Variants in TEKT5 observed in about 807,000 individuals in gnomAD.
TEKT5 encodes the protein tektin-5.
A neutral mutation model predicts 48.7 loss-of-function variants in TEKT5; 52 were observed. The ratio of observed to expected loss-of-function variants is 1.07; its 90% CI spans 0.86 to 1.35. The LOEUF is 1.35. Among genes scored for constraint, TEKT5 ranks in the 40% most tolerant of loss-of-function variants. The probability of loss-of-function intolerance (pLI) is 0.00; values close to 1 mark genes in which losing one functional copy is unlikely to be tolerated. For missense variants in TEKT5, 831 were observed against 641.6 expected, an observed-to-expected ratio of 1.30 and a Z score of -3.19; for synonymous variants, 318 against 267.6, an observed-to-expected ratio of 1.19 and a Z score of -1.84.
chr16:10,690,179 C>T, intron 1 of TEKT5, 154 bp from the exon 2 acceptor site: 1 of 681,716 alleles, frequency 1.5e-6, no homozygotes, highest in African/African-American at 1.8e-5. Context: ...GGATGGGCTT[C>T]TGCCTCCCCT....
At chr16:10,644,085 G>A (rs747606778) in intron 5 of TEKT5, among the ~76,000 whole-genome samples, 2 of 152,074 alleles carry the variant, frequency 1.3e-5, no homozygotes, top group Admixed American at 1.3e-4. Context: ...CACATTTTTC[G>A]CTTTTTCAAG....
chr16:10,647,148 C>G (rs1005925729), intron 5 of TEKT5, among the ~76,000 whole-genome samples: 2 of 151,970 alleles, frequency 1.3e-5, no homozygotes, highest in Non-Finnish European at 2.9e-5. Context: ...GTGGACGGGA[C>G]ATTACTGAGG....
chr16:10,656,891 C>T (rs551500393), intron 5 of TEKT5, among the ~76,000 whole-genome samples: 1 of 151,740 alleles, frequency 6.6e-6, no homozygotes, highest in Non-Finnish European at 1.5e-5. Flanking sequence ...CAGATGCACA[C>T]CACCATGCCT....
chr16:10,637,809 T>C (rs995459406), intron 5 of TEKT5, among the ~76,000 whole-genome samples: 1 of 152,156 alleles, frequency 6.6e-6, no homozygotes, highest in African/African-American at 2.4e-5. Flanking sequence ...ATGAAAGTCT[T>C]TCATTTATTT....
At chr16:10,650,026 CT>C (rs1898128667) in intron 5 of TEKT5, among the ~76,000 whole-genome samples, 1 of 152,038 alleles carries the variant, frequency 6.6e-6, no homozygotes, top group Non-Finnish European at 1.5e-5. Context: ...CTTCCTCCCC[CT>C]GGTCTCCTCC....
chr16:10,657,356 G>A (rs566751322), intron 5 of TEKT5, among the ~76,000 whole-genome samples: 1 of 152,014 alleles, frequency 6.6e-6, no homozygotes, highest in East Asian at 1.9e-4. Flanking sequence ...TCGAACTCCC[G>A]ACCTCAGGTG....
intron 5 of TEKT5, among the ~76,000 whole-genome samples, chr16:10,643,903 G>A (rs1376254177): frequency 3.9e-5 from 6 of 152,044 alleles, no homozygotes; most frequent in African/African-American, 1.4e-4. Context: ...TTAGCCAGAT[G>A]TGGTGGCAGG....
chr16:10,681,899 G>A lies in TEKT5; in HGVS notation c.863+94C>T, dbSNP rs995777476. ...AACCATGCCACTTCCCACTTAACTG[G>A]TGCACGATGCCCCTTCGCCATTCGT... On this transcript the variant is annotated intron_variant, in intron 4 of 6. Coordinates refer to ENST00000283025, the MANE Select transcript of TEKT5 (RefSeq NM_144674.2). 1.6e-5 allele frequency: 24 copies of A among 1,496,968 alleles called. No homozygotes were observed. The East Asian group carries it at 2.3e-4, about 14-fold the overall frequency. The allele number at this position is 1,496,968 out of a possible 1,614,324, so 92.7% of individuals were successfully genotyped here. A position where few individuals can be genotyped will look rare whatever the true frequency, so the allele number is the denominator to read the frequency against.
intron 4 of TEKT5, among the ~76,000 whole-genome samples, chr16:10,680,347 C>T (rs994683624): frequency 1.3e-5 from 2 of 152,234 alleles, no homozygotes; most frequent in South Asian, 4.1e-4. Flanking sequence ...GCTTCCCTTC[C>T]TCCCTTCCTG....
chr16:10,639,180 G>A (rs751500217), intron 5 of TEKT5, among the ~76,000 whole-genome samples: 3 of 152,118 alleles, frequency 2.0e-5, no homozygotes, highest in African/African-American at 7.2e-5. Flanking sequence ...GGTGGTGCAC[G>A]TTTGTAGTCC....
chr16:10,641,125 T>C (rs1342747128), intron 5 of TEKT5, among the ~76,000 whole-genome samples: 1 of 152,212 alleles, frequency 6.6e-6, no homozygotes, highest in African/African-American at 2.4e-5. Flanking sequence ...CCCACCTTCG[T>C]CAACACTTAG....
chr16:10,639,908 G>A (rs1237065653), intron 5 of TEKT5, among the ~76,000 whole-genome samples: 1 of 152,068 alleles, frequency 6.6e-6, no homozygotes, highest in Non-Finnish European at 1.5e-5. Context: ...ATCTGCCTTG[G>A]GACTGGAGGC....
At chr16:10,676,206 C>T (rs1228281885) in intron 4 of TEKT5, 25 bp from the exon 5 acceptor site, 1 of 1,611,986 alleles carries the variant, frequency 6.2e-7, no homozygotes, top group Non-Finnish European at 8.5e-7. Context: ...GGGTGAGTTG[C>T]AGCAGTCCTG....
chr16:10,628,064 A>C (rs1897781112), intron 6 of TEKT5, among the ~76,000 whole-genome samples: 1 of 151,986 alleles, frequency 6.6e-6, no homozygotes, highest in African/African-American at 2.4e-5. Context: ...CAAGCTGGTC[A>C]AGAACTCCTG....
chr16:10,657,614 G>C (rs939738458), intron 5 of TEKT5, among the ~76,000 whole-genome samples: 15 of 149,604 alleles, frequency 1.0e-4, no homozygotes, highest in African/African-American at 3.5e-4. Flanking sequence ...CCCTGAGATG[G>C]AGTCTCGCTC....
intron 5 of TEKT5, among the ~76,000 whole-genome samples, chr16:10,660,706 ATTT>A (rs1273180556): frequency 4.5e-5 from 6 of 133,194 alleles, no homozygotes; most frequent in Non-Finnish European, 7.7e-5. Context: ...TGTGTGTGTT[ATTT>A]ATTTATTTGA....
intron 5 of TEKT5, among the ~76,000 whole-genome samples, chr16:10,660,858 G>A (rs762657308): frequency 7.2e-5 from 11 of 151,982 alleles, no homozygotes; most frequent in East Asian, 1.9e-4. Context: ...ACACCGCCAC[G>A]CACGGCTAAT....
chr16:10,690,061 T>TA (rs1333767218), intron 1 of TEKT5, 36 bp from the exon 2 acceptor site: 1 of 1,600,514 alleles, frequency 6.2e-7, no homozygotes, highest in East Asian at 2.2e-5. Context: ...ATTCTTCCTG[T>TA]AGCTGTATGT....
intron 5 of TEKT5, among the ~76,000 whole-genome samples, chr16:10,675,429 G>C (rs1456804009): frequency 2.6e-5 from 4 of 152,174 alleles, no homozygotes; most frequent in African/African-American, 4.8e-5. Context: ...AACGCCTAAA[G>C]GGCACACTGG....
Sources: gnomAD v4.1 joint callset for allele counts (sites outside exome capture counted in the v4.1 genomes callset) on GRCh38, gnomAD v4.1.1 for gene constraint, MANE v1.5 for transcripts, NCBI Gene and HGNC (gene_info 2026-07-23, HGNC 2026-07-21) for gene names.